MGAT4C: variants seen among roughly 807,000 people sequenced by gnomAD.
The protein encoded by MGAT4C is MGAT4 family member C.
In MGAT4C, 19 loss-of-function variants were observed where a neutral mutation model predicts 40.1. That is an observed-to-expected ratio of 0.47 (90% CI 0.33 to 0.70). MGAT4C has a LOEUF of 0.70. MGAT4C is among the 30% of genes least tolerant of loss of function. The probability of loss-of-function intolerance (pLI) is 0.02; values close to 1 mark genes in which losing one functional copy is unlikely to be tolerated. For missense variants in MGAT4C, 491 were observed against 563.2 expected, an observed-to-expected ratio of 0.87 and a Z score of 1.30; for synonymous variants, 181 against 187.1, an observed-to-expected ratio of 0.97 and a Z score of 0.27.
intron 2 of MGAT4C, among the ~76,000 whole-genome samples, chr12:86,039,087 A>AGAGAGATCTG (rs1286439994): frequency 2.0e-5 from 3 of 146,658 alleles, no homozygotes; most frequent in Non-Finnish European, 3.1e-5. Flanking sequence ...GTAGGGTTTC[A>AGAGAGATCTG]CTGTTAGTCT....
At chr12:86,461,566 T>C (rs991076820) in intron 2 of MGAT4C, among the ~76,000 whole-genome samples, 1 of 152,132 alleles carries the variant, frequency 6.6e-6, no homozygotes, top group Non-Finnish European at 1.5e-5. Context: ...CTAATAGTTA[T>C]ATACATACTA....
intron 2 of MGAT4C, among the ~76,000 whole-genome samples, chr12:86,041,219 T>C (rs894223511): frequency 6.6e-6 from 1 of 152,154 alleles, no homozygotes; most frequent in Non-Finnish European, 1.5e-5. Context: ...CTTTCTTTTT[T>C]ATTAGTGTAG....
At chr12:85,999,048 G>A (rs1886975704) in intron 2 of MGAT4C, among the ~76,000 whole-genome samples, 1 of 152,158 alleles carries the variant, frequency 6.6e-6, no homozygotes, top group Non-Finnish European at 1.5e-5. Flanking sequence ...CACAAACATG[G>A]TGGAAGGCAA....
At chr12:86,569,007 G>A (rs138778451) in intron 2 of MGAT4C, among the ~76,000 whole-genome samples, 11 of 151,872 alleles carry the variant, frequency 7.2e-5, no homozygotes, top group Non-Finnish European at 1.2e-4. Context: ...ATATGTACAT[G>A]AATAAATTTA....
intron 2 of MGAT4C, among the ~76,000 whole-genome samples, chr12:86,467,999 C>T (rs1592884085): frequency 1.3e-5 from 2 of 152,104 alleles, no homozygotes; most frequent in Middle Eastern, 6.8e-3. Flanking sequence ...TGCTTCTATC[C>T]TCTACCTCTT....
chr12:86,041,054 T>C (rs1363087115), intron 2 of MGAT4C, among the ~76,000 whole-genome samples: 1 of 152,102 alleles, frequency 6.6e-6, no homozygotes, highest in African/African-American at 2.4e-5. Flanking sequence ...GTACCTTAGT[T>C]GGAAATGCTG....
At chr12:86,363,056 C>A (rs1955517126) in intron 3 of MGAT4C, among the ~76,000 whole-genome samples, 1 of 151,810 alleles carries the variant, frequency 6.6e-6, no homozygotes, top group African/African-American at 2.4e-5. Context: ...TGAAGAAAAA[C>A]CTAATATAAC....
In MGAT4C at chr12:86,818,012, T is replaced by C. The variant is rs111622908; in HGVS notation, c.-262+20654A>G. ...CTGAAGAACTATAAACCTAGTACCC[T>C]ACTTGCACAAGGTGAGAAATGAATA... On this transcript the variant is annotated intron_variant, in intron 1 of 7. Transcript: ENST00000548651. Among the ~76,000 whole-genome samples, 635 of 151,532 alleles carry C rather than the reference T, an allele frequency of 4.2e-3. 5 individuals carry two copies. Among genetic ancestry groups the C allele is most frequent in the African/African-American group, 0.013 (552 of 41,518 alleles).
chr12:86,096,405 CT>C (rs1405406215), intron 1 of MGAT4C, among the ~76,000 whole-genome samples: 1 of 149,866 alleles, frequency 6.7e-6, no homozygotes, highest in Non-Finnish European at 1.5e-5. Context: ...AACTCCTCCC[CT>C]CCCCTCCCCT....
chr12:86,245,628 T>C (rs1448456106), intron 1 of MGAT4C, among the ~76,000 whole-genome samples: 3 of 152,140 alleles, frequency 2.0e-5, no homozygotes, highest in African/African-American at 7.2e-5. Context: ...ACTGTTCCAG[T>C]TTCAAAACCC....
chr12:86,837,316 A>AT (rs1388255524), intron 1 of MGAT4C, among the ~76,000 whole-genome samples: 6 of 152,154 alleles, frequency 3.9e-5, no homozygotes, highest in East Asian at 1.9e-4. Flanking sequence ...TCTCTTTTCC[A>AT]TTTTTTTGCC....
intron 3 of MGAT4C, among the ~76,000 whole-genome samples, chr12:86,350,962 T>TC (rs986811659): frequency 5.3e-5 from 8 of 151,808 alleles, no homozygotes; most frequent in African/African-American, 1.9e-4. Context: ...TTTCTTTTTT[T>TC]CCCACCATAT....
chr12:86,321,233 CATG>C (rs1215661551), intron 4 of MGAT4C, among the ~76,000 whole-genome samples: 1 of 152,036 alleles, frequency 6.6e-6, no homozygotes, highest in Non-Finnish European at 1.5e-5. Context: ...AGAAAAAAGA[CATG>C]ATGTGAGAAT....
At chr12:86,620,324 G>A (rs1027273781) in intron 2 of MGAT4C, among the ~76,000 whole-genome samples, 7 of 151,496 alleles carry the variant, frequency 4.6e-5, no homozygotes, top group South Asian at 2.1e-4. Flanking sequence ...TCCATCAGTC[G>A]AGAATTAGAT....
rs183497961 is a variant in MGAT4C at position 86,043,683 on chromosome 12, C to T, written c.-7+5991G>A. ...CCTTCAATCAAATCAAGTTGACACTCGATATTAACCATCACATCCTCCAAT... is the reference window on the plus strand; with the variant it reads ...CCTTCAATCAAATCAAGTTGACACTTGATATTAACCATCACATCCTCCAAT... On this transcript the variant is annotated intron_variant, in intron 2 of 4. Coordinates refer to ENST00000611864, the MANE Select transcript of MGAT4C (RefSeq NM_001351288.2). 1.5e-4 allele frequency among the ~76,000 whole-genome samples: 23 copies of T among 152,336 alleles called. No individual in the cohort carries two copies. In the South Asian group the frequency reaches 2.3e-3, roughly 15 times the overall value.
chr12:86,447,344 C>T (rs774411592), intron 2 of MGAT4C, among the ~76,000 whole-genome samples: 3 of 152,054 alleles, frequency 2.0e-5, no homozygotes, highest in Non-Finnish European at 4.4e-5. Context: ...AGGCTGGTCT[C>T]GAACTACTGA....
chr12:86,184,989 A>G (rs1205361847), intron 1 of MGAT4C, among the ~76,000 whole-genome samples: 1 of 152,120 alleles, frequency 6.6e-6, no homozygotes, highest in African/African-American at 2.4e-5. Flanking sequence ...GAAATTACCA[A>G]TCTACTTTTC....
chr12:86,830,639 G>A (rs941136118), intron 1 of MGAT4C, among the ~76,000 whole-genome samples: 4 of 151,672 alleles, frequency 2.6e-5, no homozygotes, highest in Admixed American at 6.6e-5. Context: ...CATGTTTTTC[G>A]AAAGTCAGCT....
intron 1 of MGAT4C, among the ~76,000 whole-genome samples, chr12:86,782,086 G>T (rs1192453973): frequency 2.0e-5 from 3 of 151,408 alleles, no homozygotes; most frequent in Non-Finnish European, 4.4e-5. Context: ...TCCGCTTCCC[G>T]GGTTCACACC....
Sources: allele counts gnomAD v4.1 joint callset (sites outside exome capture counted in the v4.1 genomes callset), GRCh38; gene constraint gnomAD v4.1.1; transcripts MANE v1.5; gene names NCBI Gene and HGNC (gene_info 2026-07-23, HGNC 2026-07-21).